Variants in SPOPL observed in about 807,000 individuals in gnomAD.
SPOPL encodes the protein speckle-type POZ protein-like.
SPOPL carries 23 observed loss-of-function variants against 53.8 expected under a neutral mutation model. The observed-to-expected ratio is 0.43, with a 90% CI of 0.31 to 0.61. The LOEUF is 0.61. SPOPL is among the 20% of genes least tolerant of loss of function. SPOPL has a pLI of 0.12. For synonymous variants in SPOPL, 164 were observed against 149.7 expected (o/e 1.10, Z -0.70); for missense variants, 442 against 466.9 (o/e 0.95, Z 0.49).
chr2:138,550,845 C>CTCTCTG, intron 3 of SPOPL, 58 bp from the exon 4 acceptor site: 3 of 1,546,094 alleles, frequency 1.9e-6, no homozygotes, highest in Non-Finnish European at 2.6e-6. Flanking sequence ...CTCTCTCTCT[C>CTCTCTG]TCTCGAATGC....
At chr2:138,508,455 C>T (rs1684260799) in intron 1 of SPOPL, among the ~76,000 whole-genome samples, 1 of 152,154 alleles carries the variant, frequency 6.6e-6, no homozygotes, top group African/African-American at 2.4e-5. Flanking sequence ...CCTCAGCCTC[C>T]TGAGTAGCTG....
intron 1 of SPOPL, among the ~76,000 whole-genome samples, chr2:138,544,314 T>G (rs555090099): frequency 0.011 from 1,653 of 152,300 alleles, 32 homozygotes; most frequent in African/African-American, 0.037. Context: ...TTGTTTGTCT[T>G]AGCCCTGCCC....
chr2:138,543,179 A>G (rs1186646042), intron 1 of SPOPL, among the ~76,000 whole-genome samples: 1 of 151,796 alleles, frequency 6.6e-6, no homozygotes, highest in Non-Finnish European at 1.5e-5. Context: ...TTTTTCCTTC[A>G]TTTCAACTTT....
intron 1 of SPOPL, among the ~76,000 whole-genome samples, chr2:138,546,832 A>T (rs1685206462): frequency 6.6e-6 from 1 of 152,376 alleles, no homozygotes; most frequent in South Asian, 2.1e-4. Flanking sequence ...AATATCTTGT[A>T]AAGTGCTCAC....
At chr2:138,547,348 T>A (rs1170002441) in intron 1 of SPOPL, among the ~76,000 whole-genome samples, 1 of 152,200 alleles carries the variant, frequency 6.6e-6, no homozygotes, top group Non-Finnish European at 1.5e-5. Flanking sequence ...GAGTTATACT[T>A]CAGGAAGATA....
In SPOPL at chr2:138,564,834, A is replaced by G; in HGVS notation, c.964A>G (p.Ile322Val). Residue 322 changes from isoleucine (I) to valine (V), a missense_variant, in exon 9 of 11, where the codon ATA becomes GTA. Physicochemically the swap from Ile to Val is conservative, Grantham distance 29. Transcript: ENST00000280098. ...TGCAGAACAGTTGAAAGCACAAGCC[A>G]TAGACTTTATTAATAGGTAAGCTAT... ...HSAEQLKAQA[I>V]DFINRCSVLR... is the part of the protein sequence containing the mutation. 4 of 1,614,184 alleles carry G rather than the reference A, an allele frequency of 2.5e-6. No homozygotes were observed. Among genetic ancestry groups the G allele is most frequent in the East Asian group, 2.2e-5 (1 of 44,878 alleles).
chr2:138,547,230 T>C (rs1362570825), intron 1 of SPOPL, among the ~76,000 whole-genome samples: 2 of 152,224 alleles, frequency 1.3e-5, no homozygotes, highest in Non-Finnish European at 2.9e-5. Context: ...CCTCCCAAAG[T>C]GCTGGGATTA....
chr2:138,568,875 A>C (rs1182775570), intron 10 of SPOPL, 61 bp from the exon 11 acceptor site: 1 of 1,533,270 alleles, frequency 6.5e-7, no homozygotes, highest in Non-Finnish European at 8.9e-7. Context: ...AGAAATTAAC[A>C]GTGCAATAGT....
intron 1 of SPOPL, among the ~76,000 whole-genome samples, chr2:138,508,164 T>C (rs973280360): frequency 6.6e-6 from 1 of 152,198 alleles, no homozygotes; most frequent in African/African-American, 2.4e-5. Context: ...TACAAATCCC[T>C]GGACTTTTCT....
chr2:138,519,819 A>G (rs1191664623), intron 1 of SPOPL, among the ~76,000 whole-genome samples: 1 of 152,210 alleles, frequency 6.6e-6, no homozygotes. Flanking sequence ...AAATTTTTAA[A>G]AAAGTAAAGT....
intron 1 of SPOPL, among the ~76,000 whole-genome samples, chr2:138,523,214 A>G (rs534731144): frequency 6.6e-6 from 1 of 152,190 alleles, no homozygotes; most frequent in African/African-American, 2.4e-5. Flanking sequence ...CTCACATGAC[A>G]GCAGACAAGA....
chr2:138,553,188 G>T (rs767008986), intron 5 of SPOPL, among the ~76,000 whole-genome samples: 3 of 152,006 alleles, frequency 2.0e-5, no homozygotes, highest in Admixed American at 6.6e-5. Flanking sequence ...AGATATGCCC[G>T]TGTCTATTGA....
At position 138,542,972 on chromosome 2, in the gene SPOPL, T is replaced by C. The variant is rs146421662; in HGVS notation, c.-60-7185T>C. 8.1e-4 allele frequency among the ~76,000 whole-genome samples: 123 copies of C among 152,292 alleles called. 2 individuals are homozygous for C. The East Asian group carries it at 0.021, about 26-fold the overall frequency. ...TCAGCATTTGCTTGTCTGTAAAGGATGTTATTTATCCTTCACTTACGAAGC... is the reference window on the plus strand; with the variant it reads ...TCAGCATTTGCTTGTCTGTAAAGGACGTTATTTATCCTTCACTTACGAAGC... On this transcript the variant is annotated intron_variant, in intron 1 of 10. Transcript: ENST00000280098.
At chr2:138,530,795 AT>A in intron 1 of SPOPL, among the ~76,000 whole-genome samples, 2 of 152,080 alleles carry the variant, frequency 1.3e-5, no homozygotes, top group East Asian at 3.9e-4. Flanking sequence ...TCCAATTCTT[AT>A]GCTTTTCATT....
rs1427992733 is a variant in SPOPL at position 138,571,634 on chromosome 2, CCTT to C, written c.*2557_*2559del. On this transcript the variant is annotated 3_prime_UTR_variant, in exon 11 of 11. Coordinates refer to ENST00000280098, the MANE Select transcript of SPOPL (RefSeq NM_001001664.3). ...TCTGACATGAGTGCTCTAATAGCCT[CCTT>C]CTCCTCATTTTTAAACTGCATACAT... The C allele has an allele frequency of 1.3e-5, 2 of 152,446 alleles. No individual in the cohort carries two copies. Among genetic ancestry groups the C allele is most frequent in the African/African-American group, 2.4e-5 (1 of 41,422 alleles). The allele number at this position is 152,446 out of a possible 1,614,324, so 9.4% of individuals were successfully genotyped here. A position where few individuals can be genotyped will look rare whatever the true frequency, so the allele number is the denominator to read the frequency against.
Position 138,506,186 on chromosome 2 carries a change from A to G in SPOPL, c.-61+4067A>G, listed in dbSNP as rs114768528. Among the ~76,000 whole-genome samples the G allele has an allele frequency of 2.4e-3, 372 of 152,336 alleles. 2 individuals are homozygous for G. Among genetic ancestry groups the G allele is most frequent in the African/African-American group, 8.8e-3 (364 of 41,582 alleles). On this transcript the variant is annotated intron_variant, in intron 1 of 10. Coordinates refer to ENST00000280098, the MANE Select transcript of SPOPL (RefSeq NM_001001664.3). ...GAAAGAGGCAAGTGTAAATACAGGG[A>G]GACTAATTAAGTCATTGCTTCTCAA...
In SPOPL at chr2:138,559,180, T is replaced by C; in HGVS notation, c.639T>C (p.Ala213=). The change falls in exon 6 of 11, where the codon GCT becomes GCC. Residue 213 remains alanine, a synonymous_variant. Transcript: ENST00000280098. ...TCGTGAGAGGACAAGAATTTAAAGC[T>C]CATAAATCTGTGCTTGCAGGTACTT... is the stretch of plus-strand genomic sequence containing the variant. ...SFFVRGQEFK[A]HKSVLAARSP... 1.2e-6 allele frequency: 2 copies of C among 1,613,538 alleles called. No individual in the cohort carries two copies. Among genetic ancestry groups the C allele is most frequent in the Non-Finnish European group, 1.7e-6 (2 of 1,179,758 alleles).
At chr2:138,554,862 G>C (rs981837927) in intron 5 of SPOPL, among the ~76,000 whole-genome samples, 1 of 152,062 alleles carries the variant, frequency 6.6e-6, no homozygotes, top group Non-Finnish European at 1.5e-5. Context: ...CCTTTTTAAG[G>C]ACACATCTTT....
chr2:138,562,592 C>T (rs1685572367), intron 8 of SPOPL, among the ~76,000 whole-genome samples: 1 of 151,834 alleles, frequency 6.6e-6, no homozygotes, highest in Non-Finnish European at 1.5e-5. Context: ...CAAGACCAGC[C>T]TGGCCAACAT....
Sources: gnomAD v4.1 joint callset for allele counts (sites outside exome capture counted in the v4.1 genomes callset) on GRCh38, gnomAD v4.1.1 for gene constraint, MANE v1.5 for transcripts, NCBI Gene and HGNC (gene_info 2026-07-23, HGNC 2026-07-21) for gene names.